FYN: variants seen among roughly 807,000 people sequenced by gnomAD.
The protein encoded by FYN is tyrosine-protein kinase Fyn.
A neutral mutation model predicts 70.2 loss-of-function variants in FYN; 10 were observed. The observed-to-expected ratio is 0.14, with a 90% confidence interval of 0.09 to 0.24. The LOEUF is 0.24. Among genes scored for constraint, FYN ranks in the 10% least tolerant of loss-of-function variants. The probability of loss-of-function intolerance (pLI) is 1.00; values close to 1 mark genes in which losing one functional copy is unlikely to be tolerated. For missense variants in FYN, 319 were observed against 673.1 expected (o/e 0.47, Z 5.82); for synonymous variants, 236 against 248.6 (o/e 0.95, Z 0.48).
chr6:111,700,357 C>G (rs529234904), intron 8 of FYN, 89 bp from the exon 9 acceptor site: 5 of 1,338,598 alleles, frequency 3.7e-6, no homozygotes, highest in Non-Finnish European at 5.2e-6. Flanking sequence ...ACACTAGCGG[C>G]GCACAGTGCT....
At chr6:111,746,580 T>C (rs1344855892) in intron 3 of FYN, among the ~76,000 whole-genome samples, 2 of 152,232 alleles carry the variant, frequency 1.3e-5, no homozygotes, top group Non-Finnish European at 2.9e-5. Flanking sequence ...TTCCATGGTA[T>C]GAATATACCA....
chr6:111,861,904 C>G (rs1171543226), intron 1 of FYN, among the ~76,000 whole-genome samples: 1 of 152,178 alleles, frequency 6.6e-6, no homozygotes, highest in African/African-American at 2.4e-5. Flanking sequence ...CTTCGTAGAG[C>G]CTTAGTCTGG....
Position 111,788,319 on chromosome 6 carries a change from T to C in FYN, c.-81-7684A>G, listed in dbSNP as rs147985952. 2.8e-3 allele frequency among the ~76,000 whole-genome samples: 419 copies of C among 152,350 alleles called. 4 individuals are homozygous for C. The highest frequency in any genetic ancestry group is 0.027 in the Middle Eastern group (8 of 294). On this transcript the variant is annotated intron_variant, in intron 2 of 13. Coordinates refer to ENST00000354650, the MANE Select transcript of FYN (RefSeq NM_002037.5). ...CCTTGCACAGAGGAGACAGTTCTAG[T>C]CATTCTGTTGCATTCAAAGGGCTTC... is the stretch of plus-strand genomic sequence containing the variant.
At chr6:111,811,311 G>A (rs111702801) in intron 2 of FYN, among the ~76,000 whole-genome samples, 183 of 152,318 alleles carry the variant, frequency 1.2e-3, no homozygotes, top group African/African-American at 4.0e-3. Context: ...ACTTTCAAAA[G>A]GAAACGTTTT....
chr6:111,785,779 C>T (rs1230657113), intron 2 of FYN, among the ~76,000 whole-genome samples: 2 of 151,102 alleles, frequency 1.3e-5, no homozygotes, highest in Non-Finnish European at 2.9e-5. Context: ...ATTAACTCGT[C>T]ATTTACATAG....
At chr6:111,695,089 T>C (rs1197893933) in intron 10 of FYN, among the ~76,000 whole-genome samples, 1 of 152,148 alleles carries the variant, frequency 6.6e-6, no homozygotes, top group Non-Finnish European at 1.5e-5. Context: ...AGCTGAGTGG[T>C]CCAAAACTGT....
At chr6:111,790,091 CTGTG>C (rs71021863) in intron 2 of FYN, among the ~76,000 whole-genome samples, 6,132 of 150,572 alleles carry the variant, frequency 0.041, 150 homozygotes, top group East Asian at 0.14. Flanking sequence ...AGTATCAGAA[CTGTG>C]TGTGTGTGTG....
At chr6:111,782,126 C>G (rs1335675720) in intron 2 of FYN, among the ~76,000 whole-genome samples, 1 of 152,162 alleles carries the variant, frequency 6.6e-6, no homozygotes, top group African/African-American at 2.4e-5. Flanking sequence ...GACTTTTCCA[C>G]CTTGATTTTC....
intron 13 of FYN, among the ~76,000 whole-genome samples, chr6:111,672,377 C>T (rs1798319870): frequency 1.3e-5 from 2 of 152,260 alleles, no homozygotes; most frequent in Non-Finnish European, 2.9e-5. Flanking sequence ...GCTCTCTCTG[C>T]AGGAGCCGCT....
intron 2 of FYN, among the ~76,000 whole-genome samples, chr6:111,826,362 ATATGTGTATG>A (rs528722628): frequency 0.015 from 2,325 of 152,294 alleles, 26 homozygotes; most frequent in Non-Finnish European, 0.023. Context: ...ATATATGTGT[ATATGTGTATG>A]TATGTGTATT....
intron 2 of FYN, among the ~76,000 whole-genome samples, chr6:111,826,994 A>G (rs988982644): frequency 6.6e-6 from 1 of 152,164 alleles, no homozygotes; most frequent in Non-Finnish European, 1.5e-5. Flanking sequence ...GAAATTTTGC[A>G]CAGAATTTCC....
At chr6:111,808,967 A>T (rs1222431780) in intron 2 of FYN, among the ~76,000 whole-genome samples, 4 of 152,336 alleles carry the variant, frequency 2.6e-5, no homozygotes, top group Admixed American at 2.0e-4. Flanking sequence ...AATGTGTTTT[A>T]TGTTAAACTC....
chr6:111,718,862 A>G (rs1415704934), intron 4 of FYN, among the ~76,000 whole-genome samples: 1 of 152,200 alleles, frequency 6.6e-6, no homozygotes, highest in Non-Finnish European at 1.5e-5. Flanking sequence ...GATAATGTCC[A>G]AAGGCTCAGG....
At chr6:111,690,884 C>T (rs1218352209) in intron 12 of FYN, among the ~76,000 whole-genome samples, 3 of 152,216 alleles carry the variant, frequency 2.0e-5, no homozygotes, top group African/African-American at 7.2e-5. Flanking sequence ...CCTCCTCATG[C>T]TTGCTGACTG....
chr6:111,794,731 T>G (rs1771747332), intron 2 of FYN, among the ~76,000 whole-genome samples: 1 of 152,352 alleles, frequency 6.6e-6, no homozygotes, highest in South Asian at 2.1e-4. Context: ...GTTTCCATAT[T>G]GTCTATGGCT....
intron 2 of FYN, among the ~76,000 whole-genome samples, chr6:111,832,028 C>T (rs1226881322): frequency 2.6e-5 from 4 of 152,204 alleles, no homozygotes; most frequent in African/African-American, 7.2e-5. Flanking sequence ...GGAAAACATG[C>T]TTGGTAAATT....
intron 1 of FYN, among the ~76,000 whole-genome samples, chr6:111,870,999 T>C (rs187437266): frequency 2.0e-5 from 3 of 152,304 alleles, no homozygotes; most frequent in East Asian, 3.9e-4. Flanking sequence ...TTAAAAAGTG[T>C]GTAAGTAAAT....
At position 111,694,218 on chromosome 6, in the gene FYN, G is replaced by A. The variant is rs1799474350; in HGVS notation, c.1273+157C>T. ...ACAACAGTCTCCCACCTGCAGAGCT[G>A]TCAAATTCCTGCCAGATCAAGGTGT... is the stretch of plus-strand genomic sequence containing the variant. On this transcript the variant is annotated intron_variant, in intron 12 of 13. Transcript: ENST00000354650. This position sits in a 1 kb window ranked among gnomAD's most constrained non-coding sequence, Gnocchi z 5.0. Among the ~76,000 whole-genome samples, 1 of 152,104 alleles carries A rather than the reference G, an allele frequency of 6.6e-6. No homozygotes were observed. The highest frequency in any genetic ancestry group is 6.5e-5 in the Admixed American group (1 of 15,272).
intron 3 of FYN, among the ~76,000 whole-genome samples, chr6:111,720,959 C>T (rs1388043901): frequency 2.0e-5 from 3 of 152,124 alleles, no homozygotes; most frequent in Non-Finnish European, 1.5e-5. Context: ...TCATTTCCTC[C>T]TCCTTGTTTA....
Sources: gnomAD v4.1 joint callset for allele counts (sites outside exome capture counted in the v4.1 genomes callset) on GRCh38, gnomAD v4.1.1 for gene constraint, Gnocchi (gnomAD v3.1) non-coding constraint, MANE v1.5 for transcripts, NCBI Gene and HGNC (gene_info 2026-07-23, HGNC 2026-07-21) for gene names.